ATP11C: variants seen among roughly 807,000 people sequenced by gnomAD.
The protein encoded by ATP11C is phospholipid-transporting ATPase IG.
Under a neutral mutation model 97.4 loss-of-function variants are expected in ATP11C, and 36 were observed. The ratio of observed to expected loss-of-function variants is 0.37; its 90% CI spans 0.28 to 0.49. The LOEUF (loss-of-function observed/expected upper bound fraction) is 0.49, where lower values mean the gene tolerates loss of function less well. Among genes scored for constraint, ATP11C ranks in the 20% least tolerant of loss-of-function variants. The pLI, the probability that ATP11C is intolerant of heterozygous loss-of-function variation, is 0.98. For synonymous variants in ATP11C, 275 were observed against 290.9 expected (o/e 0.95, Z 0.56); for missense variants, 730 against 824.6 (o/e 0.89, Z 1.40).
chrX:139,835,334 T>C (rs887691912), intron 1 of ATP11C, among the ~76,000 whole-genome samples: 1 of 111,537 alleles, frequency 9.0e-6, no homozygotes, highest in African/African-American at 3.3e-5. Flanking sequence ...AGTCCTGGCA[T>C]TGGTTTCTTC....
intron 1 of ATP11C, among the ~76,000 whole-genome samples, chrX:139,923,600 T>C (rs2085301527): frequency 8.9e-6 from 1 of 112,260 alleles, no homozygotes; most frequent in African/African-American, 3.2e-5. Context: ...TATAGATCCC[T>C]TAATCCTTAT....
intron 1 of ATP11C, among the ~76,000 whole-genome samples, chrX:139,847,545 AT>A (rs201759378): frequency 0.011 from 1,205 of 110,690 alleles, 16 homozygotes; most frequent in African/African-American, 0.037. Context: ...TACAAAAAAA[AT>A]CAAAAAATTA....
At chrX:139,805,957 A>C (rs1358939033) in intron 5 of ATP11C, among the ~76,000 whole-genome samples, 2 of 112,395 alleles carry the variant, frequency 1.8e-5, no homozygotes, top group Non-Finnish European at 3.7e-5. Context: ...TATGTTGCTT[A>C]CACAAAACCA....
intron 2 of ATP11C, among the ~76,000 whole-genome samples, chrX:139,825,252 GA>G (rs1308606913): frequency 2.7e-5 from 3 of 111,626 alleles, no homozygotes; most frequent in African/African-American, 9.8e-5. Context: ...TCTTTATTCA[GA>G]GCAACTAGAC....
intron 19 of ATP11C, among the ~76,000 whole-genome samples, chrX:139,769,829 G>A (rs918138442): frequency 1.9e-4 from 21 of 110,999 alleles, no homozygotes; most frequent in African/African-American, 6.6e-4. Flanking sequence ...ATTCGGATTC[G>A]TTAGGTCTGG....
At chrX:139,747,353 T>C (rs1205866798) in intron 24 of ATP11C, among the ~76,000 whole-genome samples, 1 of 111,423 alleles carries the variant, frequency 9.0e-6, no homozygotes, top group Admixed American at 9.5e-5. Context: ...CAGCATGATA[T>C]GTTGAATTAT....
chrX:139,781,354 G>T (rs1365649762), intron 18 of ATP11C, among the ~76,000 whole-genome samples: 6 of 112,295 alleles, frequency 5.3e-5, no homozygotes, highest in Admixed American at 1.9e-4. Flanking sequence ...ATTTCAAGCA[G>T]ATCAATGGCA....
At chrX:139,785,590 G>C (rs1048296526) in intron 15 of ATP11C, among the ~76,000 whole-genome samples, 3 of 111,304 alleles carry the variant, frequency 2.7e-5, no homozygotes, top group Non-Finnish European at 5.7e-5. Flanking sequence ...GCCATATTTG[G>C]AGGGGTCTAG....
chrX:139,857,266 A>T (rs2084106096), intron 1 of ATP11C, among the ~76,000 whole-genome samples: 1 of 111,624 alleles, frequency 9.0e-6, no homozygotes, highest in Non-Finnish European at 1.9e-5. Flanking sequence ...CAAGCAAAAC[A>T]ACTAAGCTAA....
At chrX:139,767,494 G>A (rs755702953) in intron 20 of ATP11C, among the ~76,000 whole-genome samples, 2 of 111,643 alleles carry the variant, frequency 1.8e-5, no homozygotes, top group Non-Finnish European at 3.8e-5. Flanking sequence ...AAACCAAACT[G>A]GTCTGAGGAA....
chrX:139,787,295 T>C (rs878929445), intron 14 of ATP11C, 51 bp from the exon 15 acceptor site: 1 of 1,021,757 alleles, frequency 9.8e-7, no homozygotes, highest in South Asian at 2.3e-5. Flanking sequence ...AATGATTAAT[T>C]TTTTTATTAT....
chrX:139,744,215 C>G (rs1255360736), intron 25 of ATP11C, among the ~76,000 whole-genome samples: 1 of 109,838 alleles, frequency 9.1e-6, no homozygotes, highest in Non-Finnish European at 1.9e-5. Flanking sequence ...AACATTAAAA[C>G]AGAAAATGAG....
Position 139,745,815 on chromosome X carries a change from TAAG to T in ATP11C, c.2868_2870del (p.Phe956del). 1.7e-6 allele frequency: 2 copies of T among 1,206,206 alleles called. No homozygotes were observed. Among genetic ancestry groups the T allele is most frequent in the Non-Finnish European group, 2.2e-6 (2 of 892,591 alleles). On this transcript the variant is annotated inframe_deletion, in exon 25 of 30. Transcript: ENST00000682941. ...CAAAGGCAGCCAGAAATGTCCAATATAAGAAGGGGCCCAACTGTAGCATGGCAT... is the reference window on the plus strand; with the variant it reads ...CAAAGGCAGCCAGAAATGTCCAATATAAGGGGCCCAACTGTAGCATGGCAT...
chrX:139,906,665 C>G (rs1028056588), intron 1 of ATP11C, among the ~76,000 whole-genome samples: 6 of 108,887 alleles, frequency 5.5e-5, no homozygotes, highest in Non-Finnish European at 1.1e-4. Context: ...ACCTGTAATC[C>G]CAGCTACTCA....
chrX:139,751,900 T>C (rs1482911584), intron 23 of ATP11C, among the ~76,000 whole-genome samples: 1 of 111,377 alleles, frequency 9.0e-6, no homozygotes, highest in Non-Finnish European at 1.9e-5. Context: ...TCCTCGCAAG[T>C]TCCAGAGAAT....
intron 20 of ATP11C, among the ~76,000 whole-genome samples, chrX:139,766,504 GA>G (rs1194953465): frequency 8.9e-6 from 1 of 111,999 alleles, no homozygotes; most frequent in Non-Finnish European, 1.9e-5. Flanking sequence ...CAAGATTGAA[GA>G]AAAGAAAGAA....
chrX:139,730,986 G>T (rs1430796975), intron 29 of ATP11C, among the ~76,000 whole-genome samples: 3 of 111,341 alleles, frequency 2.7e-5, no homozygotes, highest in Non-Finnish European at 5.7e-5. Context: ...TAATTATAAA[G>T]CATTTTATAT....
At chrX:139,925,938 G>A (rs1293397044) in intron 1 of ATP11C, among the ~76,000 whole-genome samples, 2 of 111,568 alleles carry the variant, frequency 1.8e-5, no homozygotes, top group African/African-American at 3.3e-5. Flanking sequence ...CCAGTAATCC[G>A]TCCATACACT....
chrX:139,837,451 A>G (rs2083766142), intron 1 of ATP11C, among the ~76,000 whole-genome samples: 1 of 112,267 alleles, frequency 8.9e-6, no homozygotes, highest in African/African-American at 3.2e-5. Flanking sequence ...AAAAGTTCAT[A>G]AAGACTCAAT....
Sources: gnomAD v4.1 joint callset for allele counts (sites outside exome capture counted in the v4.1 genomes callset) on GRCh38, gnomAD v4.1.1 for gene constraint, MANE v1.5 for transcripts, NCBI Gene and HGNC (gene_info 2026-07-23, HGNC 2026-07-21) for gene names.